DOCK9: variants seen among roughly 807,000 people sequenced by gnomAD.
The protein encoded by DOCK9 is dedicator of cytokinesis protein 9.
A neutral mutation model predicts 263.3 loss-of-function variants in DOCK9; 89 were observed. That is an observed-to-expected ratio of 0.34 (90% CI 0.28 to 0.40). The LOEUF (loss-of-function observed/expected upper bound fraction) is 0.40, where lower values mean the gene tolerates loss of function less well. Ranked by LOEUF, DOCK9 falls within the 10% of genes least tolerant of loss-of-function variation. DOCK9 has a pLI of 1.00. For synonymous variants in DOCK9, 976 were observed against 973.1 expected (o/e 1.00, Z -0.06); for missense variants, 2,140 against 2,603.4 (o/e 0.82, Z 3.87).
intron 18 of DOCK9, 150 bp downstream of exon 18, chr13:98,888,008 T>C (rs536736570): frequency 5.1e-6 from 3 of 594,006 alleles, no homozygotes; most frequent in African/African-American, 1.9e-5. Context: ...AGATTGAGTA[T>C]ATATGTTTAT....
At chr13:98,921,491 A>G (rs2051982417) in intron 6 of DOCK9, among the ~76,000 whole-genome samples, 1 of 152,162 alleles carries the variant, frequency 6.6e-6, no homozygotes, top group Non-Finnish European at 1.5e-5. Flanking sequence ...TAGGGTAATG[A>G]CAGTCACATT....
rs757815624 is a variant in DOCK9, at chr13:98,850,051, A to T, written c.4009T>A (p.Ser1337Thr). The T allele has an allele frequency of 1.6e-5, 25 of 1,565,744 alleles. No individual in the cohort carries two copies. The highest frequency in any genetic ancestry group is 3.4e-4 in the Middle Eastern group (2 of 5,900). The change falls in exon 36 of 53, where the codon TCT (serine) becomes ACT (threonine). Residue 1337 changes from serine to threonine, a missense_variant. Ser to Thr is a moderately conservative substitution (Grantham distance 58, BLOSUM62 1). Transcript: ENST00000682017. Reference protein sequence around the residue: ...TSELMDFFTISEVCLHQFQYM... With the variant: ...TSELMDFFTITEVCLHQFQYM... The stretch of plus-strand genomic sequence containing the variant: ...ATCAAAGAGAAAGCTACTTACTCAG[A>T]TATTGTAAAAAAATCCATAAGTTCA...
chr13:98,921,917 G>T (rs186973861), intron 6 of DOCK9, 134 bp downstream of exon 6: 2 of 775,726 alleles, frequency 2.6e-6, no homozygotes, highest in African/African-American at 1.7e-5. Context: ...TATCACCAGG[G>T]GAGCATCCTA....
In DOCK9 at chr13:98,886,292, T is replaced by C. The variant is rs569505364; in HGVS notation, c.2136+240A>G. Among the ~76,000 whole-genome samples the C allele has an allele frequency of 2.0e-5, 3 of 152,346 alleles. No individual in the cohort carries two copies. In the East Asian group the frequency reaches 5.8e-4, roughly 29 times the overall value. On this transcript the variant is annotated intron_variant, in intron 19 of 52. Transcript: ENST00000682017. The stretch of plus-strand genomic sequence containing the variant: ...AGAATATTAATTGTGGTAGTGATAG[T>C]GGGATTATGACTTTTTCTTTTCTGT...
chr13:98,915,558 A>G (rs2050755284), intron 7 of DOCK9, 55 bp from the exon 8 acceptor site: 4 of 1,497,936 alleles, frequency 2.7e-6, no homozygotes, highest in Middle Eastern at 3.5e-4. Flanking sequence ...AACTGCTTTA[A>G]AATAATTACT....
intron 38 of DOCK9, 85 bp from the exon 39 acceptor site, chr13:98,837,694 T>C (rs1290783247): frequency 3.0e-6 from 2 of 673,236 alleles, no homozygotes; most frequent in Admixed American, 6.2e-5. Context: ...CAACTTTTGA[T>C]TATTCAGAAG....
At chr13:98,855,382 G>C (rs2093682248) in intron 34 of DOCK9, among the ~76,000 whole-genome samples, 1 of 152,110 alleles carries the variant, frequency 6.6e-6, no homozygotes, top group African/African-American at 2.4e-5. Context: ...GCCCAGCCTG[G>C]CCAATATGGT....
intron 19 of DOCK9, 73 bp downstream of exon 19, chr13:98,886,459 T>C (rs2045705130): frequency 7.5e-7 from 1 of 1,329,864 alleles, no homozygotes; most frequent in East Asian, 2.4e-5. Flanking sequence ...TGAATTTTCC[T>C]TTACCAGGCA....
At chr13:98,885,944 G>A (rs1487659526) in intron 19 of DOCK9, 113 bp from the exon 20 acceptor site, 5 of 1,003,282 alleles carry the variant, frequency 5.0e-6, no homozygotes, top group East Asian at 2.8e-5. Flanking sequence ...TTCTCCGAGC[G>A]GATATTAACA....
rs1298052976 is a variant in DOCK9, at chr13:98,825,795, G to A, written c.5023+1035C>T. 1.5e-5 allele frequency: 15 copies of A among 994,408 alleles called. No homozygotes were observed. Among genetic ancestry groups the A allele is most frequent in the African/African-American group, 5.1e-5 (3 of 59,164 alleles). The allele number at this position is 994,408 out of a possible 1,614,324, so 61.6% of individuals were successfully genotyped here. A position where few individuals can be genotyped will look rare whatever the true frequency, so the allele number is the denominator to read the frequency against. On this transcript the variant is annotated intron_variant, in intron 44 of 52. Transcript: ENST00000682017. The surrounding 1 kb of genome is among the most constrained non-coding windows in gnomAD (Gnocchi z 4.1). ...GAAGTCTGTCCATGCAAAGTTAAAA[G>A]GGCAAATCCCCCACCACGGGAGGGC...
intron 1 of DOCK9, among the ~76,000 whole-genome samples, chr13:98,983,395 AGAGAGCAGAACGGCACT>A (rs1207114753): frequency 1.3e-5 from 2 of 152,158 alleles, no homozygotes. Flanking sequence ...GCAGCAAAAC[AGAGAGCAGAACGGCACT>A]GCAGACAACT....
At position 98,846,048 on chromosome 13, in the gene DOCK9, C is replaced by T. The variant is rs1290732803; in HGVS notation, c.4074G>A (p.Gly1358=). The change falls in exon 38 of 53, where the codon GGG becomes GGA. Residue 1358 remains glycine (G), a synonymous_variant. Coordinates refer to ENST00000682017, the MANE Select transcript of DOCK9 (RefSeq NM_001366683.2). The part of the protein sequence containing the change: ...GKRYIARNQE[G]LGPIVHDRKS... ...TTCGATCATGAACTATGGGTCCCAA[C>T]CCCTCCTGGTTCCTGCAACATGAGT... is the stretch of plus-strand genomic sequence containing the variant. 4 of 1,579,262 alleles carry T rather than the reference C, an allele frequency of 2.5e-6. No individual in the cohort carries two copies. The highest frequency in any genetic ancestry group is 2.3e-5 in the South Asian group (2 of 86,366).
Position 98,915,443 on chromosome 13 carries a change from A to G in DOCK9, c.778T>C (p.Leu260=). 3 of 1,613,962 alleles carry G rather than the reference A, an allele frequency of 1.9e-6. No individual in the cohort carries two copies. The highest frequency in any genetic ancestry group is 3.3e-4 in the Middle Eastern group (2 of 6,062). ...ATTTCCACTTCACTGTCTGCTGCCA[A>G]GAGATAACTACTTTTGTCCTGCATC... The part of the protein sequence containing the change: ...LKMQDKSSYL[L]AADSEVEMEE... The change falls in exon 8 of 53, where the codon TTG becomes CTG. Residue 260 remains leucine, a synonymous_variant. Transcript: ENST00000682017.
intron 1 of DOCK9, among the ~76,000 whole-genome samples, chr13:98,993,147 A>G (rs1378687685): frequency 1.3e-5 from 2 of 152,218 alleles, no homozygotes; most frequent in African/African-American, 2.4e-5. Flanking sequence ...TCTTTTCCAC[A>G]GCATATGCAG....
chr13:98,904,718 A>G lies in DOCK9; in HGVS notation c.961-12T>C, dbSNP rs772473997. 1.9e-6 allele frequency: 3 copies of G among 1,545,268 alleles called. No individual in the cohort carries two copies. Among genetic ancestry groups the G allele is most frequent in the Non-Finnish European group, 2.6e-6 (3 of 1,144,302 alleles). ...GCTTCTCTTGCACTCTGATAACAAG[A>G]TACATGAAAATTACATTTAACACAA... On this transcript the variant is annotated splice_polypyrimidine_tract_variant and intron_variant, in intron 9 of 52. Transcript: ENST00000682017.
In DOCK9 at chr13:98,825,831, G is replaced by A; in HGVS notation, c.5023+999C>T. On this transcript the variant is annotated intron_variant, in intron 44 of 52. Coordinates refer to ENST00000682017, the MANE Select transcript of DOCK9 (RefSeq NM_001366683.2). The surrounding 1 kb of genome is among the most constrained non-coding windows in gnomAD (Gnocchi z 4.1). ...CCACCACGGGAGGGCACGTGACCAG[G>A]GCAGGGGGTCCCCGGGGGCTGGGCT... 7.1e-7 allele frequency: 1 copy of A among 1,410,936 alleles called. No individual in the cohort carries two copies. Among genetic ancestry groups the A allele is most frequent in the Non-Finnish European group, 9.4e-7 (1 of 1,063,290 alleles). The allele number at this position is 1,410,936 out of a possible 1,614,324, so 87.4% of individuals were successfully genotyped here.
chr13:99,060,437 T>G (rs1355570404), intron 1 of DOCK9, among the ~76,000 whole-genome samples: 2 of 152,154 alleles, frequency 1.3e-5, no homozygotes, highest in African/African-American at 4.8e-5. Flanking sequence ...AAGTACACAT[T>G]TTTATGTGAA....
intron 1 of DOCK9, among the ~76,000 whole-genome samples, chr13:98,997,577 C>T (rs12429714): frequency 0.3 from 45,089 of 152,140 alleles, 8,533 homozygotes; most frequent in Non-Finnish European, 0.41. Context: ...CAAAACCACC[C>T]ACTCTTTTGA....
chr13:98,922,555 C>T (rs1258523629), intron 5 of DOCK9, among the ~76,000 whole-genome samples: 1 of 152,094 alleles, frequency 6.6e-6, no homozygotes, highest in Non-Finnish European at 1.5e-5. Context: ...GGAAACCTTC[C>T]CAGAGGCTTA....
Sources: gnomAD v4.1 joint callset for allele counts (sites outside exome capture counted in the v4.1 genomes callset) on GRCh38, gnomAD v4.1.1 for gene constraint, Gnocchi (gnomAD v3.1) non-coding constraint, MANE v1.5 for transcripts, NCBI Gene and HGNC (gene_info 2026-07-23, HGNC 2026-07-21) for gene names.